The following OR5H15 variants were observed in gnomAD, a reference collection of about 807,000 sequenced individuals.
The protein encoded by OR5H15 is olfactory receptor family 5 subfamily H member 15.
For synonymous variants in OR5H15, 153 were observed against 129.1 expected (o/e 1.19, Z -1.26); for missense variants, 405 against 366.1 (o/e 1.11, Z -0.87).
rs764492516 is a variant in OR5H15 at position 98,169,441 on chromosome 3, G to C, written c.742G>C (p.Val248Leu). The C allele has an allele frequency of 5.0e-6, 8 of 1,613,440 alleles. No homozygotes were observed. The Admixed American group carries it at 6.7e-5, about 13-fold the overall frequency. The change falls in exon 2 of 2, where the codon GTC (valine) becomes CTC (leucine). Residue 248 changes from valine to leucine, a missense_variant. Physicochemically the swap from Val to Leu is conservative, Grantham distance 32. Coordinates refer to ENST00000641450, the MANE Select transcript of OR5H15 (RefSeq NM_001005515.2). ...CACCTGTGGAGCCCATCTCTTCTCT[G>C]TCTGTTTATACTATGGCCCCCTTCT... ...FSTCGAHLFS[V>L]CLYYGPLLLM...
Position 98,169,527 on chromosome 3 carries a change from A to C in OR5H15, c.828A>C (p.Leu276=), listed in dbSNP as rs757153019. 6.2e-7 allele frequency: 1 copy of C among 1,613,252 alleles called. No homozygotes were observed. The highest frequency in any genetic ancestry group is 1.1e-5 in the South Asian group (1 of 91,048). ...QADGQNMVEP[L]FYTVIIPLLN... is the part of the protein sequence containing the mutation. ...ATGGTCAAAATATGGTGGAGCCTCT[A>C]TTCTACACTGTCATCATTCCTTTGT... Residue 276 remains leucine (L), a synonymous_variant, in exon 2 of 2, where the codon CTA becomes CTC. Transcript: ENST00000641450.
At chr3:98,167,022 G>A (rs1000502827) in intron 1 of OR5H15, among the ~76,000 whole-genome samples, 191 bp downstream of exon 1, 1 of 152,004 alleles carries the variant, frequency 6.6e-6, no homozygotes, top group Non-Finnish European at 1.5e-5. Context: ...ATAGTTGTAA[G>A]ACTGAATTAT....
intron 1 of OR5H15, among the ~76,000 whole-genome samples, chr3:98,167,732 T>G (rs1210025697): frequency 6.6e-6 from 1 of 152,066 alleles, no homozygotes; most frequent in African/African-American, 2.4e-5. Flanking sequence ...TCATTCCTAC[T>G]GAGATTTAAT....
chr3:98,167,602 A>G (rs1656572953), intron 1 of OR5H15, among the ~76,000 whole-genome samples: 1 of 152,008 alleles, frequency 6.6e-6, no homozygotes, highest in South Asian at 2.1e-4. Context: ...CCACTTTGTT[A>G]GCTCTTTAAT....
At chr3:98,168,232 A>G (rs113102836) in intron 1 of OR5H15, among the ~76,000 whole-genome samples, 4,490 of 152,186 alleles carry the variant, frequency 0.03, 214 homozygotes, top group African/African-American at 0.097. Context: ...ACTATCAAAA[A>G]CTAAATTTAA....
At chr3:98,168,659 T>TCA (rs1708754489) in intron 1 of OR5H15, 23 bp from the exon 2 acceptor site, 1 of 1,593,136 alleles carries the variant, frequency 6.3e-7, no homozygotes, top group Non-Finnish European at 8.6e-7. Flanking sequence ...ATCTTCCCTT[T>TCA]CATTTGTTGC....
At chr3:98,168,204 T>A (rs1708747684) in intron 1 of OR5H15, among the ~76,000 whole-genome samples, 1 of 152,066 alleles carries the variant, frequency 6.6e-6, no homozygotes, top group Non-Finnish European at 1.5e-5. Context: ...TTTCCTCTTC[T>A]TGCAGCATAT....
At chr3:98,168,653 TCC>T (rs1708754417) in intron 1 of OR5H15, 27 bp from the exon 2 acceptor site, 1 of 1,589,068 alleles carries the variant, frequency 6.3e-7, no homozygotes, top group Non-Finnish European at 8.6e-7. Flanking sequence ...TTGCAAATCT[TCC>T]CTTTCATTTG....
At chr3:98,167,917 C>T (rs1708741917) in intron 1 of OR5H15, among the ~76,000 whole-genome samples, 1 of 152,094 alleles carries the variant, frequency 6.6e-6, no homozygotes, top group Admixed American at 6.6e-5. Context: ...ATACTAGAGA[C>T]TCTACATTCT....
In OR5H15 at chr3:98,169,475, A is replaced by G. The variant is rs759364106; in HGVS notation, c.776A>G (p.Tyr259Cys). 9 of 1,612,708 alleles carry G rather than the reference A, an allele frequency of 5.6e-6. No homozygotes were observed. Among genetic ancestry groups the G allele is most frequent in the African/African-American group, 1.3e-5 (1 of 74,238 alleles). ...TACTATGGCCCCCTTCTCTTAATGTATGTGGGCCCTGCATCTCCGCAAGCA... is the reference window on the plus strand; with the variant it reads ...TACTATGGCCCCCTTCTCTTAATGTGTGTGGGCCCTGCATCTCCGCAAGCA... ...CLYYGPLLLM[Y>C]VGPASPQADG... Residue 259 changes from tyrosine (Y) to cysteine (C), a missense_variant, in exon 2 of 2, where the codon TAT (tyrosine) becomes TGT (cysteine). Transcript: ENST00000641450.
chr3:98,167,865 C>A (rs1708741528), intron 1 of OR5H15, among the ~76,000 whole-genome samples: 1 of 152,068 alleles, frequency 6.6e-6, no homozygotes, highest in African/African-American at 2.4e-5. Context: ...GGACTCCTCT[C>A]TCCTTTACTG....
intron 1 of OR5H15, among the ~76,000 whole-genome samples, 185 bp downstream of exon 1, chr3:98,167,016 T>C (rs904793139): frequency 2.0e-5 from 3 of 152,128 alleles, no homozygotes; most frequent in Non-Finnish European, 4.4e-5. Context: ...CGGTAAATAG[T>C]TGTAAGACTG....
chr3:98,167,512 C>T (rs1392290691), intron 1 of OR5H15, among the ~76,000 whole-genome samples: 1 of 151,720 alleles, frequency 6.6e-6, no homozygotes, highest in African/African-American at 2.4e-5. Flanking sequence ...GCTTCTAGAG[C>T]AGTAGGTAAC....
intron 1 of OR5H15, 61 bp from the exon 2 acceptor site, chr3:98,168,621 C>T: frequency 1.3e-6 from 2 of 1,553,256 alleles, no homozygotes; most frequent in Non-Finnish European, 1.7e-6. Flanking sequence ...CATCTCTTCC[C>T]CAATTTCAAC....
Position 98,169,389 on chromosome 3 carries a change from T to C in OR5H15, c.690T>C (p.Ser230=), listed in dbSNP as rs1708773832. The change falls in exon 2 of 2, where the codon TCT becomes TCC. Residue 230 remains serine (S), a synonymous_variant. Transcript: ENST00000641450. ...FVLFTVLEKK[S]DKGVRKAFST... ...TCTTCACAGTCTTAGAAAAGAAATCTGATAAGGGTGTAAGGAAAGCCTTTT... is the reference window on the plus strand; with the variant it reads ...TCTTCACAGTCTTAGAAAAGAAATCCGATAAGGGTGTAAGGAAAGCCTTTT... 6.2e-7 allele frequency: 1 copy of C among 1,613,464 alleles called. No homozygotes were observed. Among genetic ancestry groups the C allele is most frequent in the South Asian group, 1.1e-5 (1 of 91,064 alleles).
intron 1 of OR5H15, among the ~76,000 whole-genome samples, chr3:98,168,447 A>G (rs979256516): frequency 1.3e-5 from 2 of 152,100 alleles, no homozygotes; most frequent in Admixed American, 6.6e-5. Flanking sequence ...AATGTAGTGT[A>G]TACAGAGAAT....
At chr3:98,167,274 G>A (rs1267875392) in intron 1 of OR5H15, among the ~76,000 whole-genome samples, 2 of 152,064 alleles carry the variant, frequency 1.3e-5, no homozygotes. Flanking sequence ...TAATTTGACA[G>A]CTCACACTGT....
chr3:98,169,095 T>G lies in OR5H15; in HGVS notation c.396T>G (p.Tyr132Ter). ...TAGCCATATGCAAACCTTTACTTTA[T>G]CCAGCCATTATGACCAATGGACTGT... ...RYVAICKPLL[Y>*]PAIMTNGLCI... Residue 132 changes from tyrosine to a stop codon, truncating the protein, a stop_gained, in exon 2 of 2, where the codon TAT becomes TAG. Transcript: ENST00000641450. LOFTEE classifies it low-confidence loss of function (END_TRUNC). The G allele has an allele frequency of 6.2e-7, 1 of 1,613,200 alleles. No individual in the cohort carries two copies. The highest frequency in any genetic ancestry group is 8.5e-7 in the Non-Finnish European group (1 of 1,179,594).
At chr3:98,168,553 A>T in intron 1 of OR5H15, 129 bp from the exon 2 acceptor site, 1 of 972,708 alleles carries the variant, frequency 1.0e-6, no homozygotes, top group Non-Finnish European at 1.5e-6. Flanking sequence ...ACAATTCATC[A>T]GTTGTAGGAC....
Sources: allele counts gnomAD v4.1 joint callset (sites outside exome capture counted in the v4.1 genomes callset), GRCh38; gene constraint gnomAD v4.1.1; transcripts MANE v1.5; gene names NCBI Gene and HGNC (gene_info 2026-07-23, HGNC 2026-07-21).